ZNF469: variants seen among roughly 807,000 people sequenced by gnomAD.
ZNF469 encodes zinc finger protein 469.
In ZNF469, 1 loss-of-function variant was observed where a neutral mutation model predicts 1.0. The observed-to-expected ratio is 1.00, with a 90% CI of 0.35 to 4.73. The LOEUF is 4.73. ZNF469 is among the 30% of genes most tolerant of loss of function. The pLI, the probability that ZNF469 is intolerant of heterozygous loss-of-function variation, is 0.16. For missense variants in ZNF469, 6,100 were observed against 5,356.3 expected (o/e 1.14, Z -4.33); for synonymous variants, 2,703 against 2,363.4 (o/e 1.14, Z -4.17).
chr16:88,381,215 C>G (rs1270006146), upstream of ZNF469, among the ~76,000 whole-genome samples: 3 of 147,032 alleles, frequency 2.0e-5, no homozygotes, highest in East Asian at 2.1e-4. Flanking sequence ...GACACACACA[C>G]AGACATGCAC....
chr16:88,338,141 G>A, the ZNF469 span, among the ~76,000 whole-genome samples: 892 of 152,248 alleles, frequency 5.9e-3, 17 homozygotes, highest in African/African-American at 0.02. Context: ...CTCTTAATGC[G>A]CAATGCAACC....
chr16:88,414,228 C>A (rs1373183779), intron 1 of ZNF469, among the ~76,000 whole-genome samples: 4 of 152,354 alleles, frequency 2.6e-5, no homozygotes, highest in Non-Finnish European at 5.9e-5. Flanking sequence ...CAGGCTGCTC[C>A]CTGCAGGCCA....
intron 1 of ZNF469, among the ~76,000 whole-genome samples, chr16:88,403,964 G>GC (rs1300862321): frequency 6.6e-6 from 1 of 152,138 alleles, no homozygotes; most frequent in African/African-American, 2.4e-5. Context: ...GTGCTGCAGG[G>GC]CCCCCCAGAG....
the ZNF469 span, among the ~76,000 whole-genome samples, chr16:88,240,651 C>G: frequency 1.2e-4 from 19 of 152,158 alleles, no homozygotes; most frequent in Admixed American, 1.2e-3. Flanking sequence ...GAGTGGGTAT[C>G]TGCCAACCCC....
the ZNF469 span, among the ~76,000 whole-genome samples, chr16:88,156,183 TC>T: frequency 6.6e-6 from 1 of 152,224 alleles, no homozygotes; most frequent in African/African-American, 2.4e-5. Context: ...AAGTAGTTTC[TC>T]CCATTGTGTG....
At chr16:88,248,832 C>A in the ZNF469 span, among the ~76,000 whole-genome samples, 2 of 152,200 alleles carry the variant, frequency 1.3e-5, no homozygotes, top group African/African-American at 4.8e-5. Context: ...AGCTGTCGGG[C>A]TGAGGCAGGT....
At chr16:88,159,630 C>T in the ZNF469 span, among the ~76,000 whole-genome samples, 2 of 152,156 alleles carry the variant, frequency 1.3e-5, no homozygotes, top group African/African-American at 2.4e-5. Flanking sequence ...GCTGAGCCTC[C>T]TTTTCTGACT....
chr16:88,241,204 C>T, the ZNF469 span, among the ~76,000 whole-genome samples: 1 of 152,052 alleles, frequency 6.6e-6, no homozygotes, highest in African/African-American at 2.4e-5. The surrounding 1 kb of genome is among the most constrained non-coding windows in gnomAD (Gnocchi z 4.8). Flanking sequence ...CCTGTCTCTA[C>T]TAAAATTAGC....
chr16:88,323,998 A>G, the ZNF469 span, among the ~76,000 whole-genome samples: 5,330 of 152,274 alleles, frequency 0.035, 231 homozygotes, highest in East Asian at 0.16. Flanking sequence ...TTTTGCTCAC[A>G]AATCAATGGT....
chr16:88,111,053 T>C, the ZNF469 span, among the ~76,000 whole-genome samples: 1 of 152,150 alleles, frequency 6.6e-6, no homozygotes, highest in African/African-American at 2.4e-5. Context: ...GCCCCTTGCT[T>C]TTCTTCAGCC....
At chr16:88,184,602 A>AG in the ZNF469 span, among the ~76,000 whole-genome samples, 12 of 151,632 alleles carry the variant, frequency 7.9e-5, no homozygotes, top group African/African-American at 2.7e-4. Flanking sequence ...TTCCCGTTTC[A>AG]GGGGGGAAGC....
At chr16:88,182,171 A>G in the ZNF469 span, among the ~76,000 whole-genome samples, 1 of 152,178 alleles carries the variant, frequency 6.6e-6, no homozygotes, top group Non-Finnish European at 1.5e-5. Flanking sequence ...CTTACAAAAT[A>G]TGTGCAAAAT....
At chr16:88,383,316 G>A (rs914383315) in intron 1 of ZNF469, among the ~76,000 whole-genome samples, 62 bp downstream of exon 1, 35 of 147,454 alleles carry the variant, frequency 2.4e-4, no homozygotes, top group Admixed American at 2.3e-3. Context: ...TGGAACGCGG[G>A]GCGGGGGTGT....
At position 88,437,472 on chromosome 16, in the gene ZNF469, C is replaced by T; in HGVS notation, c.10002C>T (p.Asp3334=). 1 of 1,536,580 alleles carries T rather than the reference C, an allele frequency of 6.5e-7. No individual in the cohort carries two copies. The highest frequency in any genetic ancestry group is 8.8e-7 in the Non-Finnish European group (1 of 1,138,180). The change falls in exon 3 of 3, where the codon GAC becomes GAT. Residue 3334 remains aspartate (D), a synonymous_variant. Transcript: ENST00000565624. The stretch of plus-strand genomic sequence containing the variant: ...CCCCGGTGCACGAGGCCTGCAAGGA[C>T]CCCTCCCGCGACTGCCACCACTGCG... ...QATPVHEACK[D]PSRDCHHCGK...
At chr16:88,186,414 G>A in the ZNF469 span, among the ~76,000 whole-genome samples, 5 of 152,208 alleles carry the variant, frequency 3.3e-5, no homozygotes, top group Non-Finnish European at 7.3e-5. Context: ...AGCAGGCCAG[G>A]CCGACCGGGG....
the ZNF469 span, among the ~76,000 whole-genome samples, chr16:88,342,903 T>G: frequency 2.6e-5 from 4 of 152,238 alleles, no homozygotes; most frequent in African/African-American, 9.6e-5. Flanking sequence ...TGGGTCCCTG[T>G]GGGAGGTAAC....
chr16:88,239,691 ATATATATATATATATATATATATATTT>A, the ZNF469 span, among the ~76,000 whole-genome samples: 93 of 6,306 alleles, frequency 0.015, 10 homozygotes, highest in Non-Finnish European at 0.026. Context: ...ATATATATAT[ATATATATATATATATATATATATATTT>A]TTTTTTTTTT....
At chr16:88,233,967 G>T in the ZNF469 span, among the ~76,000 whole-genome samples, 2 of 152,258 alleles carry the variant, frequency 1.3e-5, no homozygotes, top group African/African-American at 4.8e-5. Context: ...TTTTCCACAT[G>T]TGGTTTCCAC....
chr16:88,115,100 C>A, the ZNF469 span, among the ~76,000 whole-genome samples: 19 of 152,314 alleles, frequency 1.2e-4, no homozygotes, highest in Non-Finnish European at 2.1e-4. Flanking sequence ...CCCTGCCCAG[C>A]CTGTCTTAAC....
Sources: allele counts gnomAD v4.1 joint callset (sites outside exome capture counted in the v4.1 genomes callset), GRCh38; gene constraint gnomAD v4.1.1; non-coding constraint Gnocchi (gnomAD v3.1); transcripts MANE v1.5; gene names NCBI Gene and HGNC (gene_info 2026-07-23, HGNC 2026-07-21).